Variants in ADGRV1 observed in about 807,000 individuals in gnomAD.
ADGRV1 encodes the protein adhesion G protein-coupled receptor V1.
A neutral mutation model predicts 596.2 loss-of-function variants in ADGRV1; 359 were observed. The observed-to-expected ratio is 0.60, with a 90% CI of 0.55 to 0.66. The LOEUF (loss-of-function observed/expected upper bound fraction) is 0.66. Ranked by LOEUF, ADGRV1 falls within the 30% of genes least tolerant of loss-of-function variation. The pLI, the probability that ADGRV1 is intolerant of heterozygous loss-of-function variation, is 0.00. For synonymous variants in ADGRV1, 2,681 were observed against 2,679.2 expected, an observed-to-expected ratio of 1.00 and a Z score of -0.02; for missense variants, 7,274 against 7,575.6, an observed-to-expected ratio of 0.96 and a Z score of 1.48.
At chr5:90,868,834 G>GGTGAAATGGCATACCTATTTCA (rs1296897153) in intron 83 of ADGRV1, among the ~76,000 whole-genome samples, 1 of 151,980 alleles carries the variant, frequency 6.6e-6, no homozygotes, top group East Asian at 1.9e-4. Context: ...ATTTAGGTAT[G>GGTGAAATGGCATACCTATTTCA]CTCAATGGCA....
At chr5:90,842,739 A>G (rs1765541460) in intron 78 of ADGRV1, among the ~76,000 whole-genome samples, 2 of 152,174 alleles carry the variant, frequency 1.3e-5, no homozygotes, top group Non-Finnish European at 2.9e-5. Flanking sequence ...TTGTAAAATC[A>G]AGTAGAAAAC....
At chr5:91,149,532 TATAA>T (rs1795839298) in intron 87 of ADGRV1, among the ~76,000 whole-genome samples, 1 of 152,130 alleles carries the variant, frequency 6.6e-6, no homozygotes. Context: ...CTCTTTTCTT[TATAA>T]ATTACCCAGT....
At chr5:91,081,884 C>T (rs1789417857) in intron 86 of ADGRV1, among the ~76,000 whole-genome samples, 1 of 152,212 alleles carries the variant, frequency 6.6e-6, no homozygotes, top group African/African-American at 2.4e-5. Context: ...ACTAGTGCTG[C>T]CACCTAAAAG....
intron 85 of ADGRV1, among the ~76,000 whole-genome samples, chr5:91,012,564 C>G (rs2151153515): frequency 6.6e-6 from 1 of 152,028 alleles, no homozygotes; most frequent in Admixed American, 6.6e-5. Context: ...TTATGTAGCT[C>G]TCCTCCCATT....
chr5:90,693,900 T>C lies in ADGRV1; in HGVS notation c.7144T>C (p.Phe2382Leu). The C allele has an allele frequency of 6.5e-7, 1 of 1,550,360 alleles. No individual in the cohort carries two copies. The highest frequency in any genetic ancestry group is 1.4e-5 in the African/African-American group (1 of 73,120). ...NITVRRSGGH[F>L]GRLLLFYSTS... ...CACTCCACATTTTAGCGGAGGGCAC[T>C]TTGGTCGGCTGTTGTTGTTCTACAG... Residue 2382 changes from phenylalanine (F) to leucine (L), a missense_variant, in exon 33 of 90, where the codon TTT (phenylalanine) becomes CTT (leucine). By Grantham distance (22) the Phe-to-Leu change is conservative. This residue lies in a region of ADGRV1 where 3,643 missense variants were observed against 3,809.2 expected (regional missense o/e 0.96). Transcript: ENST00000405460.
At chr5:90,675,145 C>A in intron 23 of ADGRV1, 98 bp from the exon 24 acceptor site, 1 of 955,424 alleles carries the variant, frequency 1.0e-6, no homozygotes, top group Non-Finnish European at 1.5e-6. Flanking sequence ...AGAATTTTGG[C>A]CTGGTGATCA....
At chr5:90,888,083 T>C (rs776312703) in intron 83 of ADGRV1, among the ~76,000 whole-genome samples, 6 of 152,206 alleles carry the variant, frequency 3.9e-5, no homozygotes, top group Non-Finnish European at 8.8e-5. Context: ...AATTTCACCA[T>C]TTTGAATATT....
intron 50 of ADGRV1, among the ~76,000 whole-genome samples, chr5:90,736,074 T>C (rs1031506811): frequency 6.6e-6 from 1 of 152,140 alleles, no homozygotes; most frequent in Non-Finnish European, 1.5e-5. Flanking sequence ...AAAACCTTTT[T>C]CAACTTTTCA....
intron 84 of ADGRV1, among the ~76,000 whole-genome samples, chr5:90,974,100 T>C (rs552587804): frequency 1.9e-4 from 29 of 152,230 alleles, no homozygotes; most frequent in Admixed American, 3.3e-4. Flanking sequence ...CCATTCACAA[T>C]TGCTTCAAAG....
Position 90,653,955 on chromosome 5 carries a change from G to A in ADGRV1, c.4378+3G>A. The A allele has an allele frequency of 6.4e-7, 1 of 1,553,886 alleles. No individual in the cohort carries two copies. The highest frequency in any genetic ancestry group is 8.7e-7 in the Non-Finnish European group (1 of 1,147,972). ...GAAAGGAGAAGCCATTACTGACGGT[G>A]AGGGTCATCATCACAACTAGGACAC... On this transcript the variant is annotated splice_donor_region_variant and intron_variant, in intron 20 of 89. Transcript: ENST00000405460.
intron 85 of ADGRV1, among the ~76,000 whole-genome samples, chr5:91,022,062 G>A (rs944284600): frequency 1.2e-4 from 18 of 152,010 alleles, no homozygotes; most frequent in African/African-American, 3.4e-4. Flanking sequence ...AAATGATAGC[G>A]CATGCAACTT....
chr5:90,761,203 A>ATGCC (rs1756478965), intron 58 of ADGRV1, among the ~76,000 whole-genome samples: 1 of 151,204 alleles, frequency 6.6e-6, no homozygotes, highest in Non-Finnish European at 1.5e-5. Context: ...AATATAACAA[A>ATGCC]TAAGGATTTG....
At chr5:91,125,367 A>G (rs1053990682) in intron 87 of ADGRV1, among the ~76,000 whole-genome samples, 4 of 152,188 alleles carry the variant, frequency 2.6e-5, no homozygotes, top group Non-Finnish European at 5.9e-5. Context: ...AGCTATTACT[A>G]TTACTTCCTT....
Position 90,851,221 on chromosome 5 carries a change from T to C in ADGRV1, c.17205-2063T>C, listed in dbSNP as rs892800264. Among the ~76,000 whole-genome samples the C allele has an allele frequency of 2.1e-4, 32 of 150,112 alleles. 1 individual carries two copies. Among genetic ancestry groups the C allele is most frequent in the Admixed American group, 2.0e-3 (30 of 14,900 alleles). On this transcript the variant is annotated intron_variant, in intron 79 of 89. Transcript: ENST00000405460. ...ATTATGTTGAGAAGAGTGTTAAAGG[T>C]TAGAGAATAGGGCAAATAAAGAAAT...
chr5:90,661,690 G>A (rs560156270), intron 21 of ADGRV1, among the ~76,000 whole-genome samples: 1 of 152,280 alleles, frequency 6.6e-6, no homozygotes, highest in South Asian at 2.1e-4. Flanking sequence ...ACTTAAAAGA[G>A]GAGACGGTAG....
intron 17 of ADGRV1, among the ~76,000 whole-genome samples, chr5:90,650,527 A>G (rs1768441782): frequency 6.6e-6 from 1 of 152,138 alleles, no homozygotes; most frequent in African/African-American, 2.4e-5. Flanking sequence ...CTGGTTTGCT[A>G]TATATAAAAT....
rs560073739 is a variant in ADGRV1, at chr5:90,605,659, C to T, written c.23-9176C>T. Among the ~76,000 whole-genome samples, 18 of 152,010 alleles carry T rather than the reference C, an allele frequency of 1.2e-4. No homozygotes were observed. The East Asian group carries it at 2.3e-3, about 20-fold the overall frequency. ...GGTACATTTTTTGAAAGTTTACAAGCGTAACTCTCACACAAATATAAAATG... is the reference window on the plus strand; with the variant it reads ...GGTACATTTTTTGAAAGTTTACAAGTGTAACTCTCACACAAATATAAAATG... On this transcript the variant is annotated intron_variant, in intron 1 of 89. Coordinates refer to ENST00000405460, the MANE Select transcript of ADGRV1 (RefSeq NM_032119.4).
At chr5:90,911,938 TGAG>T (rs1177627932) in intron 83 of ADGRV1, among the ~76,000 whole-genome samples, 3 of 152,056 alleles carry the variant, frequency 2.0e-5, no homozygotes, top group African/African-American at 7.2e-5. Flanking sequence ...AGTCTCCTGT[TGAG>T]CAGCAGCATA....
chr5:90,783,143 GATC>G lies in ADGRV1; in HGVS notation c.13254_13256del (p.Ile4418del). On this transcript the variant is annotated inframe_deletion, in exon 66 of 90. Transcript: ENST00000405460. ...TTACAGTGGAGGAAGATGTTGGGCT[GATC>G]ATGATCCCAGTGGTGAGGCTACATG... is the stretch of plus-strand genomic sequence containing the variant. 1 of 1,613,472 alleles carries G rather than the reference GATC, an allele frequency of 6.2e-7. No homozygotes were observed.
Sources: allele counts gnomAD v4.1 joint callset (sites outside exome capture counted in the v4.1 genomes callset), GRCh38; gene constraint gnomAD v4.1.1; regional missense constraint gnomAD v4.1.1; transcripts MANE v1.5; gene names NCBI Gene and HGNC (gene_info 2026-07-23, HGNC 2026-07-21).